CEBPZOS: variants seen among roughly 807,000 people sequenced by gnomAD.
CEBPZOS encodes CEBPZ opposite strand.
A neutral mutation model predicts 4.8 loss-of-function variants in CEBPZOS; 10 were observed. That is an observed-to-expected ratio of 2.07 (90% confidence interval 1.28 to 3.52). The LOEUF is 3.52. CEBPZOS is among the 30% of genes most tolerant of loss of function. The probability of loss-of-function intolerance (pLI) is 0.00; values close to 1 mark genes in which losing one functional copy is unlikely to be tolerated. For synonymous variants in CEBPZOS, 25 were observed against 14.2 expected (o/e 1.77, Z -1.72); for missense variants, 98 against 43.6 (o/e 2.25, Z -3.51).
chr2:37,205,034 C>G (rs1249357436), downstream of CEBPZOS, among the ~76,000 whole-genome samples: 1 of 152,148 alleles, frequency 6.6e-6, no homozygotes, highest in Non-Finnish European at 1.5e-5. Context: ...TATGCTAATA[C>G]TAAAACATGA....
Position 37,202,708 on chromosome 2 carries a change from C to T in CEBPZOS, c.*848C>T, listed in dbSNP as rs60698646. 0.016 allele frequency: 5,098 copies of T among 323,908 alleles called. 121 individuals carry two copies. The highest frequency in any genetic ancestry group is 0.081 in the African/African-American group (2,527 of 31,016). The allele number at this position is 323,908 out of a possible 1,614,324, so 20.1% of individuals were successfully genotyped here. On this transcript the variant is annotated 3_prime_UTR_variant, in exon 5 of 5. Transcript: ENST00000402297. ...AAAAAAAAAAGAATAAATAAAATAA[C>T]GAAAATTTCCTATCTTCTGAAGTTC...
chr2:37,205,649 A>G (rs1677514086), downstream of CEBPZOS, among the ~76,000 whole-genome samples: 1 of 152,158 alleles, frequency 6.6e-6, no homozygotes, highest in Admixed American at 6.5e-5. Flanking sequence ...TTTTTAAAAC[A>G]TTATTATTAT....
At chr2:37,207,104 TA>T (rs1183364359), downstream of CEBPZOS, among the ~76,000 whole-genome samples, 4 of 152,144 alleles carry the variant, frequency 2.6e-5, no homozygotes, top group Admixed American at 2.6e-4. Context: ...AGAAATGTCA[TA>T]ATCCAAAATA....
At chr2:37,210,147 G>C (rs942008869) in intron 4 of CEBPZOS, 3 of 152,208 alleles carry the variant, frequency 2.0e-5, no homozygotes, top group Non-Finnish European at 4.4e-5. Flanking sequence ...CATGGATGTG[G>C]TAATAAGGGA....
downstream of CEBPZOS, chr2:37,209,718 C>T (rs1677658448): frequency 6.6e-6 from 1 of 152,146 alleles, no homozygotes; most frequent in Non-Finnish European, 1.5e-5. Flanking sequence ...CTCTTCTAGA[C>T]ATTGGCTTAA....
At chr2:37,216,075 T>C, downstream of CEBPZOS, 2 of 1,180,914 alleles carry the variant, frequency 1.7e-6, no homozygotes, top group East Asian at 2.4e-5. Flanking sequence ...CAAAGAATAA[T>C]ACAATTTATG....
intron 4 of CEBPZOS, chr2:37,212,483 TCTG>T: frequency 8.8e-7 from 1 of 1,132,604 alleles, no homozygotes; most frequent in Non-Finnish European, 1.3e-6. Flanking sequence ...AAGTCATGAT[TCTG>T]CTGTTTATGA....
chr2:37,213,604 G>A (rs1440128817), exon 5 of CEBPZOS: 4 of 296,366 alleles, frequency 1.3e-5, no homozygotes, highest in Non-Finnish European at 2.5e-5. Flanking sequence ...AGTAGAGACA[G>A]GGTTTCACCA....
intron 4 of CEBPZOS, chr2:37,212,178 G>T: frequency 1.0e-6 from 1 of 978,192 alleles, no homozygotes. Flanking sequence ...ATAATAACGT[G>T]CTTTATAAAT....
chr2:37,196,754 C>G (rs1264056068), intron 1 of CEBPZOS: 1 of 152,268 alleles, frequency 6.6e-6, no homozygotes, highest in East Asian at 1.9e-4. Flanking sequence ...CCTGCAGGCC[C>G]GGGCCTAGCG....
chr2:37,213,906 T>C (rs1473931005), downstream of CEBPZOS: 3 of 1,599,818 alleles, frequency 1.9e-6, no homozygotes, highest in South Asian at 3.4e-5. Context: ...TCTTCTATAC[T>C]TTCTTCATCT....
intron 4 of CEBPZOS, chr2:37,211,822 C>G: frequency 6.5e-7 from 1 of 1,547,908 alleles, no homozygotes; most frequent in Non-Finnish European, 8.7e-7. Context: ...CAGTTTATGT[C>G]TTATTTTAAA....
downstream of CEBPZOS, chr2:37,209,030 C>A: frequency 7.7e-6 from 1 of 129,378 alleles, no homozygotes; most frequent in Admixed American, 8.7e-5. Context: ...TTACTCTACC[C>A]CCCTTACAAC....
Position 37,199,452 on chromosome 2 carries a change from C to T in CEBPZOS, c.-1-252C>T, listed in dbSNP as rs543320429. ...GTTCCGTAAATTGTTCTTTTTACAA[C>T]GCTTTCTTGCATTTTCTCTCTTTCC... On this transcript the variant is annotated intron_variant, in intron 1 of 4. Coordinates refer to ENST00000402297, the MANE Select transcript of CEBPZOS (RefSeq NM_001322374.2). Among the ~76,000 whole-genome samples the T allele has an allele frequency of 7.4e-4, 113 of 152,286 alleles. 1 individual carries two copies. Among genetic ancestry groups the T allele is most frequent in the African/African-American group, 2.5e-3 (104 of 41,568 alleles).
chr2:37,210,017 T>A (rs190542413), intron 4 of CEBPZOS: 1 of 152,208 alleles, frequency 6.6e-6, no homozygotes, highest in African/African-American at 2.4e-5. Flanking sequence ...AAGAAACATA[T>A]GAAGAAATGC....
downstream of CEBPZOS, among the ~76,000 whole-genome samples, chr2:37,207,659 A>G (rs1194208188): frequency 6.6e-6 from 1 of 152,194 alleles, no homozygotes; most frequent in Non-Finnish European, 1.5e-5. Context: ...GCGGCACTAC[A>G]TTTAGTAAGT....
At position 37,202,904 on chromosome 2, in the gene CEBPZOS, A is replaced by C. The variant is rs758213490; in HGVS notation, c.*1044A>C. On this transcript the variant is annotated 3_prime_UTR_variant, in exon 5 of 5. Coordinates refer to ENST00000402297, the MANE Select transcript of CEBPZOS (RefSeq NM_001322374.2). ...ACGATAAATTTATTAGAAAACTAAAAATAATGTAGAATAGCTAGCTTGTTA... is the reference window on the plus strand; with the variant it reads ...ACGATAAATTTATTAGAAAACTAAACATAATGTAGAATAGCTAGCTTGTTA... The C allele has an allele frequency of 1.3e-6, 2 of 1,593,272 alleles. No individual in the cohort carries two copies. The highest frequency in any genetic ancestry group is 1.7e-6 in the Non-Finnish European group (2 of 1,167,458).
At chr2:37,200,361 C>A (rs74906887) in intron 2 of CEBPZOS, among the ~76,000 whole-genome samples, 2,077 of 152,206 alleles carry the variant, frequency 0.014, 53 homozygotes, top group African/African-American at 0.048. Context: ...AGGGAATAGA[C>A]CTGGCATGAT....
At chr2:37,215,585 C>T (rs771457132), downstream of CEBPZOS, 4 of 152,344 alleles carry the variant, frequency 2.6e-5, no homozygotes, top group African/African-American at 7.3e-5. Context: ...TCTATAAGGT[C>T]TAATTTAATC....
Sources: allele counts gnomAD v4.1 joint callset (sites outside exome capture counted in the v4.1 genomes callset), GRCh38; gene constraint gnomAD v4.1.1; transcripts MANE v1.5; gene names NCBI Gene and HGNC (gene_info 2026-07-23, HGNC 2026-07-21).